HEATR1: variants seen among roughly 807,000 people sequenced by gnomAD.
HEATR1 encodes the protein HEAT repeat containing 1.
A neutral mutation model predicts 248.2 loss-of-function variants in HEATR1; 77 were observed. That is an observed-to-expected ratio of 0.31 (90% confidence interval 0.26 to 0.37). The LOEUF (loss-of-function observed/expected upper bound fraction) is 0.37. HEATR1 is among the 10% of genes least tolerant of loss of function. The pLI, the probability that HEATR1 is intolerant of heterozygous loss-of-function variation, is 1.00. For synonymous variants in HEATR1, 897 were observed against 923.1 expected (o/e 0.97, Z 0.51); for missense variants, 2,420 against 2,504.9 (o/e 0.97, Z 0.72).
intron 24 of HEATR1, among the ~76,000 whole-genome samples, chr1:236,573,801 A>T (rs1384223972): frequency 1.3e-5 from 2 of 152,160 alleles, no homozygotes; most frequent in Non-Finnish European, 2.9e-5. Context: ...TACGTATAAA[A>T]CCAACAAGCA....
chr1:236,599,363 TAAAAATGA>T (rs1664255925), intron 4 of HEATR1, 112 bp downstream of exon 4: 2 of 689,840 alleles, frequency 2.9e-6, no homozygotes, highest in Non-Finnish European at 4.5e-6. Context: ...AGTCAGGAAA[TAAAAATGA>T]TGGAGGTAGT....
chr1:236,555,533 A>G lies in HEATR1; in HGVS notation c.5754+18T>C. The G allele has an allele frequency of 6.2e-7, 1 of 1,614,128 alleles. No individual in the cohort carries two copies. Among genetic ancestry groups the G allele is most frequent in the Non-Finnish European group, 8.5e-7 (1 of 1,179,930 alleles). On this transcript the variant is annotated intron_variant, in intron 40 of 44. Coordinates refer to ENST00000366582, the MANE Select transcript of HEATR1 (RefSeq NM_018072.6). Reference sequence around the variant, plus strand: ...TTAAATCTGAGCACAAAAGAGAGGAAGAGGAAGAAAGCGTCACCTTGAAGA... The same window carrying G: ...TTAAATCTGAGCACAAAAGAGAGGAGGAGGAAGAAAGCGTCACCTTGAAGA...
At chr1:236,552,990 T>G (rs1662825131) in intron 43 of HEATR1, 1 of 152,254 alleles carries the variant, frequency 6.6e-6, no homozygotes. Flanking sequence ...AATTCTGCTT[T>G]GGTCTGTTAT....
chr1:236,582,910 A>AC (rs1663790713), intron 18 of HEATR1, 38 bp from the exon 19 acceptor site: 1 of 1,610,412 alleles, frequency 6.2e-7, no homozygotes, highest in East Asian at 2.2e-5. Context: ...GCTAGATCCT[A>AC]CATGAACATG....
intron 8 of HEATR1, 117 bp downstream of exon 8, chr1:236,595,423 C>T (rs2103153790): frequency 2.4e-6 from 2 of 848,466 alleles, no homozygotes; most frequent in East Asian, 2.8e-5. Context: ...ACAAGTTACA[C>T]AAGAACAACT....
rs1348143017 is a variant in HEATR1, at chr1:236,585,763, A to G, written c.2049+57T>C. 1.5e-5 allele frequency: 23 copies of G among 1,543,206 alleles called. 1 individual carries two copies. Among genetic ancestry groups the G allele is most frequent in the Middle Eastern group, 1.8e-4 (1 of 5,712 alleles). On this transcript the variant is annotated intron_variant, in intron 16 of 44. Transcript: ENST00000366582. Reference sequence around the variant, plus strand: ...AAAATCTAGTAAAGCAAAAGCTGAGAATTTAATAAGAGTATGAGAAAGAAA... The same window carrying G: ...AAAATCTAGTAAAGCAAAAGCTGAGGATTTAATAAGAGTATGAGAAAGAAA...
chr1:236,565,914 C>T lies in HEATR1; in HGVS notation c.4435+5G>A, dbSNP rs371731657. On this transcript the variant is annotated splice_donor_5th_base_variant and intron_variant, in intron 31 of 44. Transcript: ENST00000366582. ...AACAGTAAGTGACACCCGATCTACG[C>T]TTACCTTCTTTTTCCTCTGGCAGCT... 1 of 1,612,732 alleles carries T rather than the reference C, an allele frequency of 6.2e-7. No individual in the cohort carries two copies. The highest frequency in any genetic ancestry group is 1.3e-5 in the African/African-American group (1 of 74,890).
Position 236,557,358 on chromosome 1 carries a change from T to C in HEATR1, c.5205-13A>G, listed in dbSNP as rs1259486246. ...CGATGGCATCAGGCTAGAAACAAAG[T>C]AAGAGCTTTAGAAGAACTTGAAGCA... On this transcript the variant is annotated splice_polypyrimidine_tract_variant and intron_variant, in intron 36 of 44. Transcript: ENST00000366582. 3 of 1,612,924 alleles carry C rather than the reference T, an allele frequency of 1.9e-6. No individual in the cohort carries two copies. Among genetic ancestry groups the C allele is most frequent in the Non-Finnish European group, 2.5e-6 (3 of 1,179,362 alleles).
At position 236,574,311 on chromosome 1, in the gene HEATR1, G is replaced by A. The variant is rs780352052; in HGVS notation, c.3350C>T (p.Ala1117Val). The A allele has an allele frequency of 6.2e-7, 1 of 1,608,672 alleles. No individual in the cohort carries two copies. The highest frequency in any genetic ancestry group is 1.1e-5 in the South Asian group (1 of 89,870). The change falls in exon 24 of 45, where the codon GCC (alanine) becomes GTC (valine). Residue 1117 changes from alanine to valine, a missense_variant. Transcript: ENST00000366582. ...CTGCTGAACTTTTTCATCTGATATG[G>A]CTGCAAAAAATGGTTTTGTAATCTA... ...LEKITKPFFA[A>V]ISDEKVQQKL...
chr1:236,553,802 A>T (rs79114936), intron 42 of HEATR1, 63 bp from the exon 43 acceptor site: 45,507 of 1,507,380 alleles, frequency 0.03, 1,051 homozygotes, highest in Admixed American at 0.12. Context: ...GTTTGAAAAA[A>T]TATCCAACAT....
chr1:236,594,412 T>G (rs115171344), intron 8 of HEATR1, among the ~76,000 whole-genome samples: 3 of 152,318 alleles, frequency 2.0e-5, no homozygotes, highest in Middle Eastern at 6.8e-3. Context: ...CAGGTCACAT[T>G]ACAAATTAGT....
At chr1:236,572,293 T>C (rs1207862216) in intron 26 of HEATR1, 118 bp downstream of exon 26, 22 of 1,173,586 alleles carry the variant, frequency 1.9e-5, no homozygotes, top group Non-Finnish European at 2.7e-5. Flanking sequence ...CCTATAGTAC[T>C]TGCTTTATTT....
In HEATR1 at chr1:236,555,946, A is replaced by G. The variant is rs374244711; in HGVS notation, c.5515-7T>C. The G allele has an allele frequency of 6.1e-5, 99 of 1,613,544 alleles. No homozygotes were observed. In the African/African-American group the frequency reaches 1.2e-3, roughly 19 times the overall value. On this transcript the variant is annotated splice_region_variant and splice_polypyrimidine_tract_variant and intron_variant, in intron 38 of 44. Coordinates refer to ENST00000366582, the MANE Select transcript of HEATR1 (RefSeq NM_018072.6). ...TAAACGGACCCATGTGATTCTACCA[A>G]TAACACAGGAAAGAGATGTGCCATT...
chr1:236,566,960 G>A (rs1279193836), intron 29 of HEATR1, 84 bp from the exon 30 acceptor site: 1 of 847,832 alleles, frequency 1.2e-6, no homozygotes, highest in Non-Finnish European at 1.9e-6. Flanking sequence ...AAGGCTTTTA[G>A]ATGGGCCCCA....
chr1:236,591,528 A>C (rs1257821985), intron 11 of HEATR1, among the ~76,000 whole-genome samples: 2 of 152,104 alleles, frequency 1.3e-5, no homozygotes, highest in Non-Finnish European at 1.5e-5. Flanking sequence ...TAAATGTCTA[A>C]CCTCTAGTAT....
At position 236,553,506 on chromosome 1, in the gene HEATR1, CTG is replaced by C. The variant is rs1662845416; in HGVS notation, c.6237+73_6237+74del. ...TGCCAGTTTACTAGGGGGCCTACAT[CTG>C]TGACCACCTGCAGGCTGTTTAGGCT... On this transcript the variant is annotated intron_variant, in intron 43 of 44. Transcript: ENST00000366582. 32 of 1,434,770 alleles carry C rather than the reference CTG, an allele frequency of 2.2e-5. 2 individuals carry two copies. In the South Asian group the frequency reaches 4.1e-4, roughly 18 times the overall value. 88.9% of individuals were successfully genotyped at this position (1,434,770 alleles called of 1,614,324 possible).
rs765128251 is a variant in HEATR1 at position 236,586,264 on chromosome 1, G to A, written c.1904C>T (p.Pro635Leu). The change falls in exon 15 of 45, where the codon CCT becomes CTT. Residue 635 changes from proline (P) to leucine (L), a missense_variant. By Grantham distance (98) the Pro-to-Leu change is moderately conservative. Coordinates refer to ENST00000366582, the MANE Select transcript of HEATR1 (RefSeq NM_018072.6). ...ACCTTCTTCCCAGCCTCTTAATAGAGGGTGCAGGGAGCAGATTCCTGATTT... is the reference window on the plus strand; with the variant it reads ...ACCTTCTTCCCAGCCTCTTAATAGAAGGTGCAGGGAGCAGATTCCTGATTT... ...LSKSGICSLH[P>L]LLRGWEEALE... 1 of 1,612,082 alleles carries A rather than the reference G, an allele frequency of 6.2e-7. No individual in the cohort carries two copies. Among genetic ancestry groups the A allele is most frequent in the South Asian group, 1.1e-5 (1 of 90,888 alleles).
At position 236,596,961 on chromosome 1, in the gene HEATR1, G is replaced by A. The variant is rs573497694; in HGVS notation, c.619C>T (p.Pro207Ser). The A allele has an allele frequency of 6.2e-6, 10 of 1,610,700 alleles. 1 individual carries two copies. In the South Asian group the frequency reaches 1.1e-4, roughly 18 times the overall value. ...ACCCTCAACTGAGCTGAGCTGCCCG[G>A]GTACTCAGCAAAAACCTGAAACAAG... ...TKSVKVFAEY[P>S]GSSAQLRVLL... is the part of the protein sequence containing the mutation. The change falls in exon 6 of 45, where the codon CCG becomes TCG. Residue 207 changes from proline (P) to serine (S), a missense_variant. Pro to Ser is a moderately conservative substitution (Grantham distance 74, BLOSUM62 -1). Coordinates refer to ENST00000366582, the MANE Select transcript of HEATR1 (RefSeq NM_018072.6).
chr1:236,571,744 T>C lies in HEATR1; in HGVS notation c.3708-58A>G, dbSNP rs990960488. The C allele has an allele frequency of 3.2e-6, 4 of 1,239,360 alleles. No homozygotes were observed. In the African/African-American group the frequency reaches 5.9e-5, roughly 18 times the overall value. The allele number at this position is 1,239,360 out of a possible 1,614,324, so 76.8% of individuals were successfully genotyped here. ...ATGTAAAAGTTGTACAATTCATTGT[T>C]ACATTAATGGCCATTGTCCAGAACT... On this transcript the variant is annotated intron_variant, in intron 26 of 44. Transcript: ENST00000366582.
Sources: gnomAD v4.1 joint callset for allele counts (sites outside exome capture counted in the v4.1 genomes callset) on GRCh38, gnomAD v4.1.1 for gene constraint, MANE v1.5 for transcripts, NCBI Gene and HGNC (gene_info 2026-07-23, HGNC 2026-07-21) for gene names.